Variants in KIAA1217 observed in about 807,000 individuals in gnomAD.
The protein encoded by KIAA1217 is sickle tail protein homolog.
KIAA1217 carries 88 observed loss-of-function variants against 163.9 expected under a neutral mutation model. The ratio of observed to expected loss-of-function variants is 0.54; its 90% CI spans 0.45 to 0.64. The LOEUF (loss-of-function observed/expected upper bound fraction) is 0.64, where lower values mean the gene tolerates loss of function less well. Ranked by LOEUF, KIAA1217 falls within the 30% of genes least tolerant of loss-of-function variation. The pLI is 0.00. For missense variants in KIAA1217, 2,372 were observed against 2,475.0 expected (o/e 0.96, Z 0.88); for synonymous variants, 903 against 923.1 (o/e 0.98, Z 0.39).
chr10:24,211,546 TATTGTATTG>T (rs776725924), intron 1 of KIAA1217, among the ~76,000 whole-genome samples: 3,744 of 85,510 alleles, frequency 0.044, 150 homozygotes, highest in African/African-American at 0.071. Flanking sequence ...TATTGTATTG[TATTGTATTG>T]TATTGTATTG....
chr10:23,825,422 A>G lies in KIAA1217; in HGVS notation c.-321+130188A>G, dbSNP rs373975257. Among the ~76,000 whole-genome samples, 5 of 152,226 alleles carry G rather than the reference A, an allele frequency of 3.3e-5. No homozygotes were observed. The South Asian group carries it at 1.0e-3, about 31-fold the overall frequency. ...TCTTAGAAGTTACATTCTTGTTTGCATGCTAATTAATCTATATTGATGAAC... is the reference window on the plus strand; with the variant it reads ...TCTTAGAAGTTACATTCTTGTTTGCGTGCTAATTAATCTATATTGATGAAC... On this transcript the variant is annotated intron_variant, in intron 1 of 18. Coordinates refer to the KIAA1217 transcript ENST00000376462.
At chr10:23,816,755 G>A (rs79217807) in intron 1 of KIAA1217, among the ~76,000 whole-genome samples, 86 of 152,308 alleles carry the variant, frequency 5.6e-4, no homozygotes, top group African/African-American at 2.0e-3. Context: ...AAGGGCAATT[G>A]GACAAATGGT....
chr10:24,158,666 C>A (rs1395588922), intron 2 of KIAA1217: 3 of 512,576 alleles, frequency 5.9e-6, no homozygotes. Flanking sequence ...CCTGAAAGTA[C>A]TCCTAGGATT....
intron 1 of KIAA1217, among the ~76,000 whole-genome samples, chr10:23,858,904 C>G (rs116305621): frequency 6.6e-6 from 1 of 152,160 alleles, no homozygotes; most frequent in Non-Finnish European, 1.5e-5. Flanking sequence ...CAAAATCGTC[C>G]TTACTTAGAT....
chr10:24,397,384 G>A (rs2055937033), intron 3 of KIAA1217, among the ~76,000 whole-genome samples: 1 of 152,084 alleles, frequency 6.6e-6, no homozygotes, highest in Admixed American at 6.6e-5. Context: ...CACTGTGCCT[G>A]GCTGATGTAA....
chr10:24,380,828 A>C (rs901260587), intron 2 of KIAA1217, 41 bp from the exon 3 acceptor site: 1 of 1,392,788 alleles, frequency 7.2e-7, no homozygotes, highest in Non-Finnish European at 9.7e-7. Context: ...CACGATTAAT[A>C]ATAGTCTATT....
At chr10:24,032,334 A>G (rs1848221438) in intron 2 of KIAA1217, among the ~76,000 whole-genome samples, 1 of 151,762 alleles carries the variant, frequency 6.6e-6, no homozygotes, top group Admixed American at 6.6e-5. Context: ...ATCATGGCCC[A>G]CTGCAACCTC....
intron 10 of KIAA1217, among the ~76,000 whole-genome samples, chr10:24,515,982 G>A (rs181453052): frequency 5.3e-4 from 80 of 152,332 alleles, no homozygotes; most frequent in African/African-American, 1.6e-3. Flanking sequence ...GAAGCAGGAG[G>A]ATCGTTTGAG....
chr10:23,938,077 C>T (rs7092472), intron 1 of KIAA1217, among the ~76,000 whole-genome samples: 2,112 of 152,242 alleles, frequency 0.014, 53 homozygotes, highest in African/African-American at 0.049. Context: ...AAGGCCCCTC[C>T]CATCTTCTGC....
intron 17 of KIAA1217, among the ~76,000 whole-genome samples, chr10:24,537,470 G>A (rs141855570): frequency 7.9e-5 from 12 of 152,012 alleles, no homozygotes; most frequent in African/African-American, 2.4e-4. Context: ...TCAGCTACTC[G>A]GGAGGCTGAG....
chr10:24,207,840 C>T (rs2067649725), upstream of KIAA1217, among the ~76,000 whole-genome samples: 2 of 152,138 alleles, frequency 1.3e-5, no homozygotes, highest in Admixed American at 6.6e-5. Context: ...AATACGTCAC[C>T]CCCACTGCCA....
intron 2 of KIAA1217, among the ~76,000 whole-genome samples, chr10:24,134,813 C>T (rs575334948): frequency 1.3e-5 from 2 of 152,234 alleles, no homozygotes; most frequent in African/African-American, 2.4e-5. Context: ...CTAACCTCAA[C>T]CCATCCTCTG....
chr10:24,103,610 G>T (rs1372100003), intron 2 of KIAA1217, among the ~76,000 whole-genome samples: 1 of 151,900 alleles, frequency 6.6e-6, no homozygotes, highest in Non-Finnish European at 1.5e-5. Flanking sequence ...TGTCCCCAAA[G>T]AATATATACA....
intron 1 of KIAA1217, among the ~76,000 whole-genome samples, chr10:23,767,970 C>A (rs531620379): frequency 3.2e-4 from 49 of 152,126 alleles, no homozygotes; most frequent in Non-Finnish European, 6.3e-4. Flanking sequence ...TTCAAGAGAC[C>A]AGAAGGAGGG....
chr10:23,857,391 G>A (rs931830174), intron 1 of KIAA1217, among the ~76,000 whole-genome samples: 1 of 152,176 alleles, frequency 6.6e-6, no homozygotes, highest in African/African-American at 2.4e-5. Context: ...CCATAAATAG[G>A]AAGGAATGAG....
chr10:24,180,489 G>A (rs538570697), intron 2 of KIAA1217, among the ~76,000 whole-genome samples: 2 of 152,078 alleles, frequency 1.3e-5, no homozygotes, highest in South Asian at 4.2e-4. Flanking sequence ...GTTTCACCAT[G>A]TTGGCAAAAT....
chr10:24,349,295 G>C (rs941828910), intron 2 of KIAA1217, among the ~76,000 whole-genome samples: 15 of 152,154 alleles, frequency 9.9e-5, no homozygotes, highest in African/African-American at 3.4e-4. Flanking sequence ...CTACCAGAAT[G>C]AACCAATGTG....
intron 6 of KIAA1217, among the ~76,000 whole-genome samples, chr10:24,476,314 C>A (rs1248293244): frequency 6.6e-6 from 1 of 152,084 alleles, no homozygotes; most frequent in African/African-American, 2.4e-5. Flanking sequence ...AAACCCTCTG[C>A]TGACCTGTGG....
chr10:24,211,595 T>TATTGTATTGTATTGTATTGTATTG (rs1564836416), intron 1 of KIAA1217, among the ~76,000 whole-genome samples: 1 of 139,586 alleles, frequency 7.2e-6, no homozygotes, highest in African/African-American at 2.8e-5. Context: ...GTATTGTATT[T>TATTGTATTGTATTGTATTGTATTG]TATTTTATTT....
Sources: gnomAD v4.1 joint callset for allele counts (sites outside exome capture counted in the v4.1 genomes callset) on GRCh38, gnomAD v4.1.1 for gene constraint, MANE v1.5 for transcripts, NCBI Gene and HGNC (gene_info 2026-07-23, HGNC 2026-07-21) for gene names.